NSUN6: variants seen among roughly 807,000 people sequenced by gnomAD.
NSUN6 encodes the protein tRNA (cytosine(72)-C(5))-methyltransferase NSUN6.
NSUN6 carries 64 observed loss-of-function variants against 58.0 expected under a neutral mutation model. The observed-to-expected ratio is 1.10, with a 90% CI of 0.90 to 1.36. NSUN6 has a LOEUF of 1.36. Ranked by LOEUF, NSUN6 falls within the 40% of genes most tolerant of loss-of-function variation. NSUN6 has a pLI of 0.00. For missense variants in NSUN6, 701 were observed against 550.1 expected, an observed-to-expected ratio of 1.27 and a Z score of -2.74; for synonymous variants, 231 against 193.9, an observed-to-expected ratio of 1.19 and a Z score of -1.59.
At chr10:18,559,170 GGA>G (rs2055287708) in intron 8 of NSUN6, among the ~76,000 whole-genome samples, 1 of 151,026 alleles carries the variant, frequency 6.6e-6, no homozygotes, top group Non-Finnish European at 1.5e-5. Flanking sequence ...GGAATGGAAT[GGA>G]GAATAGAATG....
intron 8 of NSUN6, among the ~76,000 whole-genome samples, chr10:18,553,928 G>A (rs528894452): frequency 9.5e-5 from 14 of 147,606 alleles, no homozygotes; most frequent in East Asian, 2.1e-4. Flanking sequence ...AATGGAGAAC[G>A]GTATGGAATG....
intron 8 of NSUN6, among the ~76,000 whole-genome samples, chr10:18,556,618 A>AC (rs1457372560): frequency 6.6e-6 from 1 of 151,544 alleles, no homozygotes; most frequent in Non-Finnish European, 1.5e-5. Flanking sequence ...AATGGAATGG[A>AC]ATGGACATGG....
At chr10:18,643,677 T>C (rs538888513) in intron 2 of NSUN6, among the ~76,000 whole-genome samples, 9 of 151,504 alleles carry the variant, frequency 5.9e-5, no homozygotes, top group Non-Finnish European at 1.2e-4. Flanking sequence ...ATCAAATCCT[T>C]CTTCCTTTCT....
chr10:18,622,888 G>A (rs1274531245), intron 3 of NSUN6, among the ~76,000 whole-genome samples: 2 of 152,334 alleles, frequency 1.3e-5, no homozygotes, highest in African/African-American at 2.4e-5. Context: ...AGCATTAATT[G>A]AGAGAATACA....
At chr10:18,600,948 A>ATATATATATACATATATATATATATATG (rs2057793417) in intron 6 of NSUN6, among the ~76,000 whole-genome samples, 1 of 93,030 alleles carries the variant, frequency 1.1e-5, no homozygotes, top group Non-Finnish European at 2.1e-5. Context: ...AAAAATATAT[A>ATATATATATACATATATATATATATATG]TATATATATA....
intron 3 of NSUN6, among the ~76,000 whole-genome samples, chr10:18,639,875 AAT>A (rs1364397389): frequency 2.6e-5 from 4 of 152,238 alleles, no homozygotes; most frequent in Non-Finnish European, 5.9e-5. Flanking sequence ...GTAATCTGGT[AAT>A]ATGTCTCCAA....
chr10:18,605,175 G>A (rs1202057707), intron 6 of NSUN6, among the ~76,000 whole-genome samples: 5 of 149,708 alleles, frequency 3.3e-5, no homozygotes, highest in Admixed American at 6.6e-5. Context: ...GTGAGCCACC[G>A]TGCCTAGCCG....
intron 3 of NSUN6, among the ~76,000 whole-genome samples, chr10:18,626,365 C>G (rs542922179): frequency 6.6e-6 from 1 of 152,050 alleles, no homozygotes; most frequent in Admixed American, 6.6e-5. Flanking sequence ...CACGGCGAGA[C>G]CCCATCTCAA....
Position 18,642,861 on chromosome 10 carries a change from C to T in NSUN6, c.232-306G>A, listed in dbSNP as rs151224653. Among the ~76,000 whole-genome samples, 206 of 152,284 alleles carry T rather than the reference C, an allele frequency of 1.4e-3. 1 individual carries two copies. Among genetic ancestry groups the T allele is most frequent in the Non-Finnish European group, 1.8e-3 (123 of 68,016 alleles). The stretch of plus-strand genomic sequence containing the variant: ...GAAACTTTTATTTAATATAGAATTA[C>T]ATGTAGTATTCCTTTAAGAAAAGTT... On this transcript the variant is annotated intron_variant, in intron 2 of 10. Coordinates refer to ENST00000377304, the MANE Select transcript of NSUN6 (RefSeq NM_182543.5).
At chr10:18,584,040 C>T (rs1304434926) in intron 8 of NSUN6, among the ~76,000 whole-genome samples, 2 of 152,178 alleles carry the variant, frequency 1.3e-5, no homozygotes, top group African/African-American at 4.8e-5. Context: ...TCCTAGAGAA[C>T]TGACAGTCAA....
At chr10:18,622,374 G>C (rs528643455) in intron 3 of NSUN6, among the ~76,000 whole-genome samples, 1 of 152,142 alleles carries the variant, frequency 6.6e-6, no homozygotes, top group African/African-American at 2.4e-5. Context: ...AGAACCATGA[G>C]AAACAATCTA....
intron 3 of NSUN6, among the ~76,000 whole-genome samples, chr10:18,625,399 C>T (rs1229376335): frequency 6.6e-6 from 1 of 152,088 alleles, no homozygotes; most frequent in Non-Finnish European, 1.5e-5. Context: ...TGAAAAGCTA[C>T]ACTGTGTCTC....
intron 7 of NSUN6, among the ~76,000 whole-genome samples, chr10:18,593,437 G>C (rs149319966): frequency 0.14 from 22,026 of 152,094 alleles, 1,756 homozygotes; most frequent in Middle Eastern, 0.24. Context: ...ATTTACAATA[G>C]CAAAGACTTG....
upstream of NSUN6, among the ~76,000 whole-genome samples, chr10:18,653,667 C>T (rs1204362681): frequency 6.6e-6 from 1 of 152,160 alleles, no homozygotes; most frequent in African/African-American, 2.4e-5. Context: ...GCCACCACAC[C>T]CAGCCATTTA....
intron 8 of NSUN6, among the ~76,000 whole-genome samples, chr10:18,555,338 A>AGAGAATGGAATGGTATG (rs1353853974): frequency 2.7e-5 from 4 of 149,122 alleles, no homozygotes; most frequent in Non-Finnish European, 6.0e-5. Context: ...GGAATGGAAT[A>AGAGAATGGAATGGTATG]GAGAATGGAA....
intron 3 of NSUN6, among the ~76,000 whole-genome samples, chr10:18,633,099 C>G (rs1287596084): frequency 6.6e-6 from 1 of 151,846 alleles, no homozygotes; most frequent in Non-Finnish European, 1.5e-5. Flanking sequence ...AGTTCGTGTC[C>G]TTTGTAGGGA....
intron 3 of NSUN6, among the ~76,000 whole-genome samples, chr10:18,637,559 A>G (rs972999182): frequency 1.3e-5 from 2 of 152,262 alleles, no homozygotes; most frequent in African/African-American, 4.8e-5. Context: ...AAAACTTTGT[A>G]GAGGGTAATC....
At chr10:18,568,848 A>ACACTC (rs1554854881) in intron 8 of NSUN6, among the ~76,000 whole-genome samples, 1 of 149,842 alleles carries the variant, frequency 6.7e-6, no homozygotes, top group Non-Finnish European at 1.5e-5. Flanking sequence ...ATTCCATTCT[A>ACACTC]CATTCAATTC....
At chr10:18,628,185 G>T (rs1360647360) in intron 3 of NSUN6, among the ~76,000 whole-genome samples, 1 of 152,176 alleles carries the variant, frequency 6.6e-6, no homozygotes, top group Non-Finnish European at 1.5e-5. Context: ...CAGACCTGCA[G>T]CTGAGGGTCC....
Sources: allele counts gnomAD v4.1 joint callset (sites outside exome capture counted in the v4.1 genomes callset), GRCh38; gene constraint gnomAD v4.1.1; transcripts MANE v1.5; gene names NCBI Gene and HGNC (gene_info 2026-07-23, HGNC 2026-07-21).